Variants in ATR observed in about 807,000 individuals in gnomAD.
ATR encodes the protein serine/threonine-protein kinase ATR.
A neutral mutation model predicts 305.3 loss-of-function variants in ATR; 142 were observed. The observed-to-expected ratio is 0.47, with a 90% confidence interval of 0.41 to 0.53. The LOEUF is 0.53. Among genes scored for constraint, ATR ranks in the 20% least tolerant of loss-of-function variants. ATR has a pLI of 0.00. For synonymous variants in ATR, 1,050 were observed against 1,068.1 expected (o/e 0.98, Z 0.33); for missense variants, 2,135 against 3,133.1 (o/e 0.68, Z 7.60).
chr3:142,521,366 C>T (rs188660360), intron 23 of ATR, among the ~76,000 whole-genome samples: 3 of 152,228 alleles, frequency 2.0e-5, no homozygotes, highest in African/African-American at 4.8e-5. Flanking sequence ...ATGTTGTTTT[C>T]GTGCCTGCTA....
In ATR at chr3:142,551,029, C is replaced by T. The variant is rs186481719; in HGVS notation, c.2806-727G>A. 1.4e-4 allele frequency among the ~76,000 whole-genome samples: 21 copies of T among 152,252 alleles called. No individual in the cohort carries two copies. The South Asian group carries it at 2.5e-3, about 18-fold the overall frequency. Reference sequence around the variant, plus strand: ...CTCAAACTCCTGACCTCAGGTGATGCGCCCACCTTGGCCTCCCAAAGTGCT... The same window carrying T: ...CTCAAACTCCTGACCTCAGGTGATGTGCCCACCTTGGCCTCCCAAAGTGCT... On this transcript the variant is annotated intron_variant, in intron 13 of 46. Coordinates refer to ENST00000350721, the MANE Select transcript of ATR (RefSeq NM_001184.4).
At chr3:142,520,143 G>T (rs1158056344) in intron 23 of ATR, among the ~76,000 whole-genome samples, 2 of 152,046 alleles carry the variant, frequency 1.3e-5, no homozygotes, top group African/African-American at 4.8e-5. Flanking sequence ...TGTTGTAATT[G>T]CTTTGGGGCT....
intron 46 of ATR, chr3:142,451,256 G>A (rs2070783828): frequency 8.3e-7 from 1 of 1,202,334 alleles, no homozygotes; most frequent in Admixed American, 3.6e-5. Context: ...CCAGCTGTGG[G>A]ACTGGCTAGC....
chr3:142,479,685 T>C (rs1017873571), intron 36 of ATR, among the ~76,000 whole-genome samples: 1 of 152,242 alleles, frequency 6.6e-6, no homozygotes, highest in Admixed American at 6.5e-5. Flanking sequence ...CAGAGTGTTT[T>C]CCAACTTGTT....
chr3:142,451,033 T>C, intron 46 of ATR: 8 of 1,263,952 alleles, frequency 6.3e-6, no homozygotes, highest in Non-Finnish European at 8.1e-6. Flanking sequence ...GAGACACCAG[T>C]GAATATGAAT....
intron 35 of ATR, among the ~76,000 whole-genome samples, chr3:142,489,868 G>A (rs1192460811): frequency 1.3e-5 from 2 of 152,162 alleles, no homozygotes; most frequent in African/African-American, 4.8e-5. Flanking sequence ...TCCCCACCAG[G>A]TGCATTTATT....
rs2031793236 is a variant in ATR, at chr3:142,498,866, C to T, written c.5381-92G>A. 4 of 1,197,752 alleles carry T rather than the reference C, an allele frequency of 3.3e-6. No homozygotes were observed. In the South Asian group the frequency reaches 5.2e-5, roughly 16 times the overall value. The allele number at this position is 1,197,752 out of a possible 1,614,324, so 74.2% of individuals were successfully genotyped here. A position where few individuals can be genotyped will look rare whatever the true frequency, so the allele number is the denominator to read the frequency against. On this transcript the variant is annotated intron_variant, in intron 31 of 46. Transcript: ENST00000350721. ...TAGATAAAATGGTCAGCTGAAATAT[C>T]AAACAGGTGGCTTCATTCCTTTTTT...
rs1400017073 is a variant in ATR at position 142,566,643 on chromosome 3, C to A, written c.152-382G>T. Among the ~76,000 whole-genome samples the A allele has an allele frequency of 8.3e-3, 231 of 27,726 alleles. 1 individual carries two copies. The highest frequency in any genetic ancestry group is 0.026 in the South Asian group (28 of 1,090). The allele number at this position is 27,726 out of a possible 152,430, so 18.2% of individuals were successfully genotyped here. A position where few individuals can be genotyped will look rare whatever the true frequency, so the allele number is the denominator to read the frequency against. ...TCTCTTAAAATTAAAAAAAAAAAAA[C>A]AAAAAGTGGGGTGGGGGTGGGGAAC... On this transcript the variant is annotated intron_variant, in intron 2 of 46. Coordinates refer to ENST00000350721, the MANE Select transcript of ATR (RefSeq NM_001184.4).
At position 142,503,424 on chromosome 3, in the gene ATR, G is replaced by T; in HGVS notation, c.5226C>A (p.Ser1742=). Residue 1742 remains serine (S), a synonymous_variant, in exon 30 of 47, where the codon TCC becomes TCA. Transcript: ENST00000350721. ...TAGACAGCTGACCAAGACCTAACATGGACTTTACTACACCATGATAATGAA... is the reference window on the plus strand; with the variant it reads ...TAGACAGCTGACCAAGACCTAACATTGACTTTACTACACCATGATAATGAA... ...QIIHYHGVVK[S]MLGLGQLSTV... is the part of the protein sequence containing the mutation. The T allele has an allele frequency of 6.2e-7, 1 of 1,604,634 alleles. No individual in the cohort carries two copies. Among genetic ancestry groups the T allele is most frequent in the Non-Finnish European group, 8.5e-7 (1 of 1,172,466 alleles).
intron 3 of ATR, 89 bp from the exon 4 acceptor site, chr3:142,563,198 G>C: frequency 7.7e-7 from 1 of 1,301,394 alleles, no homozygotes; most frequent in South Asian, 1.4e-5. Flanking sequence ...GACTTTTAAA[G>C]AATAAACTTC....
chr3:142,545,235 C>A (rs1469708750), intron 16 of ATR, among the ~76,000 whole-genome samples: 1 of 152,056 alleles, frequency 6.6e-6, no homozygotes, highest in Non-Finnish European at 1.5e-5. Context: ...AGTATGTAAA[C>A]AAAGTTGTGA....
rs201323437 is a variant in ATR at position 142,496,280 on chromosome 3, A to T, written c.5898+81T>A. The stretch of plus-strand genomic sequence containing the variant: ...TTAAGGAAGTACATAATTCCCGACT[A>T]TATATATATATATATATATATATAT... On this transcript the variant is annotated intron_variant, in intron 34 of 46. Transcript: ENST00000350721. 17,342 of 35,578 alleles carry T rather than the reference A, an allele frequency of 0.49. 4,184 individuals carry two copies. Among genetic ancestry groups the T allele is most frequent in the South Asian group, 0.56 (681 of 1,222 alleles). The allele number at this position is 35,578 out of a possible 1,614,324, so 2.2% of individuals were successfully genotyped here. A position where few individuals can be genotyped will look rare whatever the true frequency, so the allele number is the denominator to read the frequency against.
chr3:142,575,038 A>T (rs1275157864), intron 1 of ATR, among the ~76,000 whole-genome samples: 2 of 152,090 alleles, frequency 1.3e-5, no homozygotes, highest in Non-Finnish European at 2.9e-5. Flanking sequence ...GCAAGTTTTA[A>T]AAAACTTGCT....
Position 142,562,183 on chromosome 3 carries a change from AATG to A in ATR, c.1170+46_1170+48del, listed in dbSNP as rs1365799658. On this transcript the variant is annotated intron_variant, in intron 4 of 46. Coordinates refer to ENST00000350721, the MANE Select transcript of ATR (RefSeq NM_001184.4). Reference sequence around the variant, plus strand: ...CATTTTGCACATATGTATACAATTAAATGATGAACAAAATACATACTTAACTAG... The same window carrying A: ...CATTTTGCACATATGTATACAATTAAATGAACAAAATACATACTTAACTAG... The A allele has an allele frequency of 5.7e-6, 9 of 1,592,866 alleles. No homozygotes were observed. The African/African-American group carries it at 6.7e-5, about 12-fold the overall frequency.
At position 142,542,658 on chromosome 3, in the gene ATR, C is replaced by A; in HGVS notation, c.3450+7G>T. ...TATCTTAGCACTCTGGAACTATCACCACTTACCATTTTCTTATCTTCAATG... is the reference window on the plus strand; with the variant it reads ...TATCTTAGCACTCTGGAACTATCACAACTTACCATTTTCTTATCTTCAATG... On this transcript the variant is annotated splice_region_variant and intron_variant, in intron 17 of 46. Transcript: ENST00000350721. The A allele has an allele frequency of 6.2e-7, 1 of 1,607,634 alleles. No homozygotes were observed. Among genetic ancestry groups the A allele is most frequent in the Non-Finnish European group, 8.5e-7 (1 of 1,174,666 alleles).
intron 26 of ATR, 38 bp downstream of exon 26, chr3:142,513,463 T>C: frequency 6.2e-7 from 1 of 1,607,174 alleles, no homozygotes; most frequent in South Asian, 1.1e-5. Flanking sequence ...AAAGTAAGTT[T>C]CACATGTTCA....
chr3:142,519,198 A>T (rs1397765092), intron 24 of ATR, among the ~76,000 whole-genome samples: 1 of 152,202 alleles, frequency 6.6e-6, no homozygotes, highest in East Asian at 1.9e-4. Flanking sequence ...AGCAGACTGC[A>T]CTTCTCATCT....
In ATR at chr3:142,542,626, T is replaced by C. The variant is rs763992717; in HGVS notation, c.3450+39A>G. ...ATGCAGAATTTATCTATATTCTGTA[T>C]GAATTCTATCTTAGCACTCTGGAAC... is the stretch of plus-strand genomic sequence containing the variant. On this transcript the variant is annotated intron_variant, in intron 17 of 46. Coordinates refer to ENST00000350721, the MANE Select transcript of ATR (RefSeq NM_001184.4). 9 of 1,508,512 alleles carry C rather than the reference T, an allele frequency of 6.0e-6. No individual in the cohort carries two copies. In the Admixed American group the frequency reaches 1.0e-4, roughly 17 times the overall value. The allele number at this position is 1,508,512 out of a possible 1,614,324, so 93.4% of individuals were successfully genotyped here. A position where few individuals can be genotyped will look rare whatever the true frequency, so the allele number is the denominator to read the frequency against.
chr3:142,563,586 A>C (rs2034961506), intron 3 of ATR, among the ~76,000 whole-genome samples: 1 of 152,124 alleles, frequency 6.6e-6, no homozygotes, highest in African/African-American at 2.4e-5. Flanking sequence ...GCAGTTCCCC[A>C]TCTCTCTCCC....
Sources: gnomAD v4.1 joint callset for allele counts (sites outside exome capture counted in the v4.1 genomes callset) on GRCh38, gnomAD v4.1.1 for gene constraint, MANE v1.5 for transcripts, NCBI Gene and HGNC (gene_info 2026-07-23, HGNC 2026-07-21) for gene names.